TMEM135: variants seen among roughly 807,000 people sequenced by gnomAD.
The protein encoded by TMEM135 is transmembrane protein 135, also known as peroxisomal membrane protein 52.
In TMEM135, 30 loss-of-function variants were observed where a neutral mutation model predicts 60.3. The observed-to-expected ratio is 0.50, with a 90% CI of 0.37 to 0.68. The LOEUF (loss-of-function observed/expected upper bound fraction) is 0.68. TMEM135 is among the 30% of genes least tolerant of loss of function. The pLI is 0.00. For missense variants in TMEM135, 468 were observed against 548.8 expected, an observed-to-expected ratio of 0.85 and a Z score of 1.47; for synonymous variants, 190 against 186.7, an observed-to-expected ratio of 1.02 and a Z score of -0.14.
intron 4 of TMEM135, among the ~76,000 whole-genome samples, chr11:87,145,173 G>A (rs1938379889): frequency 2.0e-5 from 3 of 152,136 alleles, no homozygotes; most frequent in Admixed American, 2.0e-4. Context: ...ACATAAGTGA[G>A]AACATGTGAT....
In TMEM135 at chr11:87,265,924, A is replaced by G. The variant is rs560629297; in HGVS notation, c.509+29240A>G. 3.3e-5 allele frequency among the ~76,000 whole-genome samples: 5 copies of G among 152,124 alleles called. No individual in the cohort carries two copies. In the South Asian group the frequency reaches 1.0e-3, roughly 31 times the overall value. On this transcript the variant is annotated intron_variant, in intron 6 of 14. Transcript: ENST00000305494. ...AGTAATTTAAGATCTCTTTACGTGC[A>G]TATAATTTGTAGTAGTATACTGAGC... is the stretch of plus-strand genomic sequence containing the variant.
rs148588984 is a variant in TMEM135 at position 87,143,443 on chromosome 11, T to C, written c.397-13898T>C. Among the ~76,000 whole-genome samples the C allele has an allele frequency of 6.2e-3, 945 of 152,080 alleles. 6 individuals are homozygous for C. Among genetic ancestry groups the C allele is most frequent in the Non-Finnish European group, 9.9e-3 (675 of 67,988 alleles). ...TGTTTGTGTGTCTAGTTGTTTTTGA[T>C]TGGAAATTGGACATTTTATTCTATA... On this transcript the variant is annotated intron_variant, in intron 4 of 14. Transcript: ENST00000305494.
chr11:87,231,432 A>G lies in TMEM135; in HGVS notation c.463-5206A>G, dbSNP rs78274999. ...GTACACATAATGTTTTACCTTAGTA[A>G]TGGGGAATAATTAGCCCTGGATTTC... On this transcript the variant is annotated intron_variant, in intron 5 of 14. Transcript: ENST00000305494. Among the ~76,000 whole-genome samples the G allele has an allele frequency of 1.3e-3, 202 of 152,332 alleles. 1 individual carries two copies. The highest frequency in any genetic ancestry group is 4.7e-3 in the African/African-American group (197 of 41,580).
chr11:87,270,698 A>T (rs2135410408), intron 6 of TMEM135, among the ~76,000 whole-genome samples: 1 of 152,290 alleles, frequency 6.6e-6, no homozygotes, highest in South Asian at 2.1e-4. Context: ...TCCAGAGCAC[A>T]CTGTTCTTGT....
At chr11:87,228,719 G>A (rs1940820941) in intron 5 of TMEM135, among the ~76,000 whole-genome samples, 1 of 152,144 alleles carries the variant, frequency 6.6e-6, no homozygotes, top group Admixed American at 6.5e-5. Flanking sequence ...GAGTTCTGTG[G>A]TGGGAAATAG....
chr11:87,276,764 G>T (rs1941975458), intron 6 of TMEM135, among the ~76,000 whole-genome samples: 1 of 145,374 alleles, frequency 6.9e-6, no homozygotes, highest in African/African-American at 2.5e-5. Flanking sequence ...TGCCTCCCGG[G>T]TTCCAGTGAT....
At position 87,307,380 on chromosome 11, in the gene TMEM135, C is replaced by CAAA. The variant is rs5793247; in HGVS notation, c.768+1388_768+1390dup. 3.3e-3 allele frequency among the ~76,000 whole-genome samples: 458 copies of CAAA among 137,908 alleles called. 3 individuals are homozygous for CAAA. The highest frequency in any genetic ancestry group is 0.011 in the East Asian group (51 of 4,598). 90.5% of individuals were successfully genotyped at this position (137,908 alleles called of 152,430 possible). On this transcript the variant is annotated intron_variant, in intron 9 of 14. Coordinates refer to ENST00000305494, the MANE Select transcript of TMEM135 (RefSeq NM_022918.4). Reference sequence around the variant, plus strand: ...ATTTCCTGCCTCAGTTTAAAGTGGCCAAAAAAAAAAAAAAAGTAACATTGC... The same window carrying CAAA: ...ATTTCCTGCCTCAGTTTAAAGTGGCCAAAAAAAAAAAAAAAAAAGTAACATTGC...
chr11:87,067,075 C>T (rs894038956), intron 1 of TMEM135, among the ~76,000 whole-genome samples: 6 of 149,770 alleles, frequency 4.0e-5, no homozygotes, highest in Admixed American at 2.0e-4. Flanking sequence ...CCACCGCGCC[C>T]GGCCTAGATT....
At chr11:87,313,383 G>T in intron 10 of TMEM135, 42 bp from the exon 11 acceptor site, 1 of 1,509,580 alleles carries the variant, frequency 6.6e-7, no homozygotes, top group South Asian at 1.1e-5. Flanking sequence ...TTTATTTCTA[G>T]AAATAAAATA....
At chr11:87,282,802 C>G (rs542499846) in intron 6 of TMEM135, among the ~76,000 whole-genome samples, 1 of 152,098 alleles carries the variant, frequency 6.6e-6, no homozygotes, top group Admixed American at 6.5e-5. Context: ...CTCCTTGGGC[C>G]TTGGTTTCTT....
At chr11:87,143,929 C>T (rs1309421029) in intron 4 of TMEM135, among the ~76,000 whole-genome samples, 2 of 152,162 alleles carry the variant, frequency 1.3e-5, no homozygotes, top group Non-Finnish European at 2.9e-5. Flanking sequence ...TATACAGTAG[C>T]AGTCTTTCAT....
intron 6 of TMEM135, among the ~76,000 whole-genome samples, chr11:87,254,337 T>A (rs1941480648): frequency 6.6e-6 from 1 of 152,178 alleles, no homozygotes; most frequent in Non-Finnish European, 1.5e-5. Flanking sequence ...TACATGTGTT[T>A]TAGGAGATTC....
At chr11:87,217,171 A>C (rs1185429142) in intron 5 of TMEM135, among the ~76,000 whole-genome samples, 1 of 152,230 alleles carries the variant, frequency 6.6e-6, no homozygotes, top group Non-Finnish European at 1.5e-5. Context: ...AAATATTGCT[A>C]TAAATGCATG....
intron 4 of TMEM135, among the ~76,000 whole-genome samples, chr11:87,101,702 C>T (rs1857459843): frequency 6.6e-6 from 1 of 152,106 alleles, no homozygotes; most frequent in Non-Finnish European, 1.5e-5. Flanking sequence ...AGCCTAGGCA[C>T]AGTGGCTCAC....
At chr11:87,159,980 G>A (rs1383126215) in intron 5 of TMEM135, among the ~76,000 whole-genome samples, 1 of 152,120 alleles carries the variant, frequency 6.6e-6, no homozygotes, top group Non-Finnish European at 1.5e-5. Flanking sequence ...AGAGCAGCAA[G>A]TGGTTAATTT....
chr11:87,146,139 C>G (rs539703397), intron 4 of TMEM135, among the ~76,000 whole-genome samples: 49 of 152,262 alleles, frequency 3.2e-4, no homozygotes, highest in African/African-American at 1.1e-3. Context: ...TTCCTTCTCC[C>G]GTATGTGAAA....
At chr11:87,039,014 T>C (rs1165774753) in intron 1 of TMEM135, among the ~76,000 whole-genome samples, 1 of 152,226 alleles carries the variant, frequency 6.6e-6, no homozygotes, top group Non-Finnish European at 1.5e-5. Flanking sequence ...GCCATTGAAG[T>C]GCATTGTCTC....
chr11:87,223,161 C>CTTTT (rs34711550), intron 5 of TMEM135, among the ~76,000 whole-genome samples: 6 of 133,774 alleles, frequency 4.5e-5, no homozygotes, highest in Admixed American at 7.7e-5. Context: ...TTGAAAAGCA[C>CTTTT]TTTTTTTTTT....
intron 4 of TMEM135, among the ~76,000 whole-genome samples, chr11:87,152,595 T>G (rs1012716505): frequency 7.9e-5 from 12 of 152,084 alleles, no homozygotes; most frequent in African/African-American, 2.9e-4. Context: ...TGTGCCACCA[T>G]GCCTGGCTGA....
Sources: gnomAD v4.1 joint callset for allele counts (sites outside exome capture counted in the v4.1 genomes callset) on GRCh38, gnomAD v4.1.1 for gene constraint, MANE v1.5 for transcripts, NCBI Gene and HGNC (gene_info 2026-07-23, HGNC 2026-07-21) for gene names.